The following SRGAP1 variants were observed in gnomAD, a reference collection of about 807,000 sequenced individuals.
The protein encoded by SRGAP1 is SLIT-ROBO Rho GTPase activating protein 1, also known as SLIT-ROBO Rho GTPase-activating protein 1.
A neutral mutation model predicts 121.9 loss-of-function variants in SRGAP1; 43 were observed. The ratio of observed to expected loss-of-function variants is 0.35; its 90% CI spans 0.28 to 0.46. The LOEUF (loss-of-function observed/expected upper bound fraction) is 0.46, where lower values mean the gene tolerates loss of function less well. Among genes scored for constraint, SRGAP1 ranks in the 20% least tolerant of loss-of-function variants. SRGAP1 has a pLI of 1.00. For missense variants in SRGAP1, 1,102 were observed against 1,350.9 expected (o/e 0.82, Z 2.89); for synonymous variants, 447 against 485.4 (o/e 0.92, Z 1.04).
intron 3 of SRGAP1, among the ~76,000 whole-genome samples, chr12:64,001,758 A>G (rs142747306): frequency 6.6e-6 from 1 of 152,348 alleles, no homozygotes; most frequent in Non-Finnish European, 1.5e-5. Context: ...TGAGCTAAGT[A>G]AAGTGTTGCT....
chr12:63,933,325 C>A (rs1054071623), intron 1 of SRGAP1, among the ~76,000 whole-genome samples: 2 of 152,108 alleles, frequency 1.3e-5, no homozygotes, highest in Non-Finnish European at 2.9e-5. Flanking sequence ...GGGGTTCATT[C>A]TTTGGCACCC....
At chr12:64,073,103 C>G (rs1313075330) in intron 8 of SRGAP1, among the ~76,000 whole-genome samples, 1 of 152,096 alleles carries the variant, frequency 6.6e-6, no homozygotes, top group African/African-American at 2.4e-5. Flanking sequence ...ATGTTCCCCC[C>G]TGAGACTTAT....
In SRGAP1 at chr12:64,148,619, T is replaced by C. The variant is rs2037086369; in HGVS notation, c.*5947T>C. 6.6e-6 allele frequency: 1 copy of C among 152,146 alleles called. No individual in the cohort carries two copies. Among genetic ancestry groups the C allele is most frequent in the Non-Finnish European group, 1.5e-5 (1 of 68,026 alleles). 9.4% of individuals were successfully genotyped at this position (152,146 alleles called of 1,614,324 possible). A position where few individuals can be genotyped will look rare whatever the true frequency, so the allele number is the denominator to read the frequency against. ...TCTTTAAATATAAAAAAAAGATAAC[T>C]TGAGGTCTAGCAATATGTAGTAGAT... On this transcript the variant is annotated 3_prime_UTR_variant, in exon 22 of 22. Coordinates refer to ENST00000355086, the MANE Select transcript of SRGAP1 (RefSeq NM_020762.4).
intron 1 of SRGAP1, among the ~76,000 whole-genome samples, chr12:63,936,637 A>G (rs2031671273): frequency 6.6e-6 from 1 of 152,136 alleles, no homozygotes; most frequent in Non-Finnish European, 1.5e-5. Flanking sequence ...CATCAATACC[A>G]TTGTTCAGCC....
intron 1 of SRGAP1, among the ~76,000 whole-genome samples, chr12:63,924,176 G>GA (rs113588052): frequency 5.7e-4 from 86 of 151,702 alleles, no homozygotes; most frequent in African/African-American, 2.0e-3. Flanking sequence ...AAGAAAAAAA[G>GA]AAAAAAAAGA....
chr12:63,904,402 C>T (rs146344756), intron 1 of SRGAP1, among the ~76,000 whole-genome samples: 221 of 152,184 alleles, frequency 1.5e-3, no homozygotes, highest in Admixed American at 3.2e-3. Context: ...GATTGGAATG[C>T]GAACATGATG....
chr12:63,976,043 A>G (rs1245095282), intron 1 of SRGAP1, among the ~76,000 whole-genome samples: 1 of 152,132 alleles, frequency 6.6e-6, no homozygotes, highest in African/African-American at 2.4e-5. Context: ...TCTGATTATA[A>G]ATCTTCCTTG....
intron 1 of SRGAP1, among the ~76,000 whole-genome samples, chr12:63,850,430 A>AT (rs11326159): frequency 9.0e-4 from 130 of 145,188 alleles, no homozygotes; most frequent in Middle Eastern, 3.4e-3. Flanking sequence ...AAATTGGCCA[A>AT]TTTTTTTTTT....
intron 1 of SRGAP1, among the ~76,000 whole-genome samples, chr12:63,894,781 T>TC (rs1900700107): frequency 6.6e-6 from 1 of 152,212 alleles, no homozygotes; most frequent in Non-Finnish European, 1.5e-5. Flanking sequence ...TTCATCCATG[T>TC]CCCTACAAAG....
In SRGAP1 at chr12:63,896,833, G is replaced by T. The variant is rs981462196; in HGVS notation, c.67+51950G>T. On this transcript the variant is annotated intron_variant, in intron 1 of 21. Coordinates refer to ENST00000355086, the MANE Select transcript of SRGAP1 (RefSeq NM_020762.4). ...CTTCCCAAGAATGCTAACGCTGTGG[G>T]TTGTTAATTTGGAATTACTTGGAAA... Among the ~76,000 whole-genome samples, 3 of 152,180 alleles carry T rather than the reference G, an allele frequency of 2.0e-5. No individual in the cohort carries two copies. The South Asian group carries it at 6.2e-4, about 31-fold the overall frequency.
chr12:63,868,693 T>C (rs1455861730), intron 1 of SRGAP1, among the ~76,000 whole-genome samples: 1 of 152,048 alleles, frequency 6.6e-6, no homozygotes, highest in East Asian at 1.9e-4. Flanking sequence ...AATGGGGGAG[T>C]CCTATTTTAA....
chr12:64,044,231 T>G lies in SRGAP1; in HGVS notation c.801+656T>G, dbSNP rs1462469769. 3.3e-5 allele frequency among the ~76,000 whole-genome samples: 5 copies of G among 152,168 alleles called. No individual in the cohort carries two copies. The East Asian group carries it at 7.7e-4, about 23-fold the overall frequency. The stretch of plus-strand genomic sequence containing the variant: ...TATTCCCCAACTTTAACCCTCCACA[T>G]TATTAATTCATCCTTTCATTCAGAA... On this transcript the variant is annotated intron_variant, in intron 6 of 21. Coordinates refer to ENST00000355086, the MANE Select transcript of SRGAP1 (RefSeq NM_020762.4).
chr12:64,114,327 T>C (rs1275849879), intron 17 of SRGAP1, among the ~76,000 whole-genome samples: 2 of 150,444 alleles, frequency 1.3e-5, no homozygotes, highest in African/African-American at 4.9e-5. Context: ...AAAGATATGG[T>C]TAGCTTTTTT....
chr12:64,087,720 C>T lies in SRGAP1; in HGVS notation c.1436+694C>T, dbSNP rs141110372. ...CACCACACTCCAGCCTGGGCAAGAG[C>T]GAGACTCCATCTCAAAAAATAAAAA... is the stretch of plus-strand genomic sequence containing the variant. On this transcript the variant is annotated intron_variant, in intron 11 of 21. Transcript: ENST00000355086. Among the ~76,000 whole-genome samples, 494 of 151,860 alleles carry T rather than the reference C, an allele frequency of 3.3e-3. 2 individuals carry two copies. The highest frequency in any genetic ancestry group is 0.011 in the African/African-American group (468 of 41,380).
intron 12 of SRGAP1, among the ~76,000 whole-genome samples, chr12:64,092,734 C>T (rs548462021): frequency 2.0e-5 from 3 of 151,896 alleles, no homozygotes; most frequent in East Asian, 1.9e-4. Flanking sequence ...GAGAGAGGAA[C>T]GATAAAATGA....
intron 1 of SRGAP1, among the ~76,000 whole-genome samples, chr12:63,907,756 G>A (rs1202369016): frequency 1.3e-5 from 2 of 151,364 alleles, no homozygotes; most frequent in Non-Finnish European, 2.9e-5. Context: ...TTTTTATTTT[G>A]TCATTGTGGT....
intron 6 of SRGAP1, among the ~76,000 whole-genome samples, chr12:64,060,468 G>C (rs2035430982): frequency 6.6e-6 from 1 of 151,976 alleles, no homozygotes; most frequent in African/African-American, 2.4e-5. Context: ...TTGGCCCCTT[G>C]AAGTGCTGGG....
At chr12:63,890,846 A>G (rs139762455) in intron 1 of SRGAP1, among the ~76,000 whole-genome samples, 276 of 152,294 alleles carry the variant, frequency 1.8e-3, no homozygotes, top group African/African-American at 6.0e-3. Context: ...TGTAAGTTAA[A>G]TGCCCCCATC....
chr12:63,917,889 G>A (rs1052731427), intron 1 of SRGAP1, among the ~76,000 whole-genome samples: 1 of 152,116 alleles, frequency 6.6e-6, no homozygotes, highest in African/African-American at 2.4e-5. Flanking sequence ...ACAGAAAACC[G>A]TGAATAAATG....
Sources: allele counts gnomAD v4.1 joint callset (sites outside exome capture counted in the v4.1 genomes callset), GRCh38; gene constraint gnomAD v4.1.1; transcripts MANE v1.5; gene names NCBI Gene and HGNC (gene_info 2026-07-23, HGNC 2026-07-21).